The following GRID2 variants were observed in gnomAD, a reference collection of about 807,000 sequenced individuals.
The protein encoded by GRID2 is glutamate ionotropic receptor delta type subunit 2.
In GRID2, 33 loss-of-function variants were observed where a neutral mutation model predicts 114.8. That is an observed-to-expected ratio of 0.29 (90% CI 0.22 to 0.38). The LOEUF (loss-of-function observed/expected upper bound fraction) is 0.38, where lower values mean the gene tolerates loss of function less well. Among genes scored for constraint, GRID2 ranks in the 10% least tolerant of loss-of-function variants. The pLI, the probability that GRID2 is intolerant of heterozygous loss-of-function variation, is 1.00. For synonymous variants in GRID2, 505 were observed against 449.9 expected (o/e 1.12, Z -1.55); for missense variants, 1,184 against 1,257.7 (o/e 0.94, Z 0.89).
intron 4 of GRID2, among the ~76,000 whole-genome samples, chr4:93,178,611 C>G (rs986761267): frequency 9.9e-5 from 15 of 151,676 alleles, no homozygotes; most frequent in Non-Finnish European, 1.3e-4. Context: ...TGGTCTTAAA[C>G]TCCTGACCTC....
chr4:92,483,077 C>G (rs1033400967), intron 1 of GRID2, among the ~76,000 whole-genome samples: 3 of 152,098 alleles, frequency 2.0e-5, no homozygotes, highest in Non-Finnish European at 4.4e-5. Flanking sequence ...CAGTGGCTCA[C>G]GCTTGTAATC....
intron 1 of GRID2, among the ~76,000 whole-genome samples, chr4:92,370,314 C>T (rs1047093265): frequency 2.5e-4 from 38 of 152,260 alleles, no homozygotes; most frequent in Middle Eastern, 3.4e-3. Flanking sequence ...ATCTCTCTCC[C>T]TCTTCTCAGT....
intron 2 of GRID2, among the ~76,000 whole-genome samples, chr4:93,054,983 T>C: frequency 6.6e-6 from 1 of 151,962 alleles, no homozygotes; most frequent in East Asian, 1.9e-4. Flanking sequence ...GGACAAGTAC[T>C]ATGTCACTGA....
chr4:92,660,709 A>G (rs1732474879), intron 2 of GRID2, among the ~76,000 whole-genome samples: 1 of 151,238 alleles, frequency 6.6e-6, no homozygotes, highest in African/African-American at 2.4e-5. Flanking sequence ...ATACTTATAT[A>G]TAAATACATT....
chr4:93,497,718 G>C (rs1426271285), intron 12 of GRID2, among the ~76,000 whole-genome samples: 1 of 151,338 alleles, frequency 6.6e-6, no homozygotes, highest in Non-Finnish European at 1.5e-5. Flanking sequence ...AATCTGTGTT[G>C]TCTATCCCTC....
intron 2 of GRID2, among the ~76,000 whole-genome samples, chr4:92,797,748 A>T (rs1739960972): frequency 6.6e-6 from 1 of 151,940 alleles, no homozygotes; most frequent in South Asian, 2.1e-4. Flanking sequence ...AATTGTCACA[A>T]ATCTACAAAA....
rs147687082 is a variant in GRID2 at position 93,121,785 on chromosome 4, C to T, written c.735+10832C>T. On this transcript the variant is annotated intron_variant, in intron 4 of 15. Coordinates refer to ENST00000282020, the MANE Select transcript of GRID2 (RefSeq NM_001510.4). ...AGTAACTGAAAGCATTCCAATTTTC[C>T]GTTTCTTCACCAACACTTGTTATTT... 1.7e-3 allele frequency among the ~76,000 whole-genome samples: 263 copies of T among 152,228 alleles called. 1 individual carries two copies. Among genetic ancestry groups the T allele is most frequent in the African/African-American group, 6.2e-3 (256 of 41,546 alleles).
intron 2 of GRID2, among the ~76,000 whole-genome samples, chr4:92,636,455 A>C (rs1731069841): frequency 6.6e-6 from 1 of 152,064 alleles, no homozygotes; most frequent in Admixed American, 6.6e-5. Flanking sequence ...ATGTTAATTC[A>C]AAAATAAAAA....
intron 8 of GRID2, among the ~76,000 whole-genome samples, chr4:93,323,265 G>A (rs987934156): frequency 6.6e-6 from 1 of 152,114 alleles, no homozygotes; most frequent in African/African-American, 2.4e-5. Context: ...TTCTACATAT[G>A]GCTAGCCAGT....
intron 13 of GRID2, among the ~76,000 whole-genome samples, chr4:93,561,268 TAAAAG>T (rs1734898685): frequency 6.6e-6 from 1 of 152,132 alleles, no homozygotes; most frequent in South Asian, 2.1e-4. Context: ...AAATTAAAAA[TAAAAG>T]AGATTGTATG....
chr4:93,653,099 G>A (rs968972583), intron 14 of GRID2, among the ~76,000 whole-genome samples: 1 of 152,132 alleles, frequency 6.6e-6, no homozygotes, highest in Non-Finnish European at 1.5e-5. Flanking sequence ...ACTCTTTGAA[G>A]CTGGGAGACC....
intron 8 of GRID2, among the ~76,000 whole-genome samples, chr4:93,273,213 C>G (rs1018853828): frequency 6.6e-6 from 1 of 152,154 alleles, no homozygotes; most frequent in Non-Finnish European, 1.5e-5. Flanking sequence ...AATGCCTAGT[C>G]TACAATTTGA....
Position 93,722,119 on chromosome 4 carries a change from C to G in GRID2, c.2361-47091C>G, listed in dbSNP as rs529259470. Among the ~76,000 whole-genome samples the G allele has an allele frequency of 5.3e-5, 8 of 151,886 alleles. No individual in the cohort carries two copies. The East Asian group carries it at 1.6e-3, about 30-fold the overall frequency. ...ATTTTTAGTAGAGATGGGGTTTCAC[C>G]ATGTTGGCCAGGCTGGTTTCAAACT... On this transcript the variant is annotated intron_variant, in intron 14 of 15. Coordinates refer to ENST00000282020, the MANE Select transcript of GRID2 (RefSeq NM_001510.4).
chr4:93,047,811 T>C (rs1484752022), intron 2 of GRID2, among the ~76,000 whole-genome samples: 1 of 151,790 alleles, frequency 6.6e-6, no homozygotes, highest in Non-Finnish European at 1.5e-5. Context: ...ATGTTACAGT[T>C]GACCCCAGGT....
chr4:92,334,647 A>T (rs1452330692), intron 1 of GRID2, among the ~76,000 whole-genome samples: 4 of 152,098 alleles, frequency 2.6e-5, no homozygotes, highest in Non-Finnish European at 4.4e-5. Context: ...TAATGACATT[A>T]ATGCCCACAA....
chr4:92,948,605 ACT>A (rs901339407), intron 2 of GRID2, among the ~76,000 whole-genome samples: 1 of 151,484 alleles, frequency 6.6e-6, no homozygotes, highest in African/African-American at 2.4e-5. Flanking sequence ...GATAAGAAAA[ACT>A]CTGTTTTATA....
chr4:93,270,193 ATCTC>A lies in GRID2; in HGVS notation c.1245+31712_1245+31715del, dbSNP rs1032461934. On this transcript the variant is annotated intron_variant, in intron 8 of 15. Transcript: ENST00000282020. Reference sequence around the variant, plus strand: ...CCAAAGCAGATAGGACTTCAATATAATCTCTCTCTCTCACACACACATACACACA... The same window carrying A: ...CCAAAGCAGATAGGACTTCAATATAATCTCTCTCACACACACATACACACA... Among the ~76,000 whole-genome samples the A allele has an allele frequency of 4.3e-5, 6 of 139,960 alleles. No homozygotes were observed. The Admixed American group carries it at 4.5e-4, about 11-fold the overall frequency. The allele number at this position is 139,960 out of a possible 152,430, so 91.8% of individuals were successfully genotyped here. A position where few individuals can be genotyped will look rare whatever the true frequency, so the allele number is the denominator to read the frequency against.
chr4:92,304,804 C>G, intron 1 of GRID2, 60 bp downstream of exon 1: 7 of 1,218,764 alleles, frequency 5.7e-6, no homozygotes, highest in Non-Finnish European at 7.3e-6. Flanking sequence ...CAAATGTTTC[C>G]CCTTCGCTTT....
At chr4:92,900,853 A>C (rs987760769) in intron 2 of GRID2, among the ~76,000 whole-genome samples, 13 of 151,694 alleles carry the variant, frequency 8.6e-5, no homozygotes, top group Admixed American at 8.5e-4. Context: ...AAAAAAAAAA[A>C]AAAAAGATAA....
Sources: gnomAD v4.1 joint callset for allele counts (sites outside exome capture counted in the v4.1 genomes callset) on GRCh38, gnomAD v4.1.1 for gene constraint, MANE v1.5 for transcripts, NCBI Gene and HGNC (gene_info 2026-07-23, HGNC 2026-07-21) for gene names.